Variants in SLC9A3 observed in about 807,000 individuals in gnomAD.
SLC9A3 encodes solute carrier family 9 member A3.
Under a neutral mutation model 86.8 loss-of-function variants are expected in SLC9A3, and 37 were observed. The ratio of observed to expected loss-of-function variants is 0.43; its 90% confidence interval spans 0.33 to 0.56. The LOEUF (loss-of-function observed/expected upper bound fraction) is 0.56, where lower values mean the gene tolerates loss of function less well. SLC9A3 is among the 20% of genes least tolerant of loss of function. SLC9A3 has a pLI of 0.06. For synonymous variants in SLC9A3, 581 were observed against 528.3 expected (o/e 1.10, Z -1.37); for missense variants, 1,011 against 1,171.9 (o/e 0.86, Z 2.00).
chr5:508,817 A>G (rs1263883932), intron 1 of SLC9A3, among the ~76,000 whole-genome samples: 2 of 152,208 alleles, frequency 1.3e-5, no homozygotes, highest in East Asian at 3.8e-4. Flanking sequence ...GAGGTTAAGA[A>G]TTTCTCTCAG....
chr5:495,068 G>A (rs1030003267), intron 1 of SLC9A3, among the ~76,000 whole-genome samples: 4 of 151,678 alleles, frequency 2.6e-5, no homozygotes, highest in East Asian at 1.9e-4. Flanking sequence ...AAAATCCAGC[G>A]ACCACAGAGA....
intron 3 of SLC9A3, among the ~76,000 whole-genome samples, chr5:485,707 G>C (rs1739430419): frequency 6.6e-6 from 1 of 152,276 alleles, no homozygotes; most frequent in Non-Finnish European, 1.5e-5. Context: ...TGGTGACGCA[G>C]GTGAGACCGG....
rs751029683 is a variant in SLC9A3, at chr5:492,019, G to C, written c.264C>G (p.Leu88=). Residue 88 remains leucine, a synonymous_variant, in exon 2 of 17, where the codon CTC becomes CTG. Transcript: ENST00000264938. ...CGCCCAGCACCAGGCCCAGCACGAT[G>C]AGCAGGGCGCTCTCGGGAACCACGC... ...VTSVVPESAL[L]IVLGLVLGGI... is the part of the protein sequence containing the mutation. 1 of 1,583,880 alleles carries C rather than the reference G, an allele frequency of 6.3e-7. No individual in the cohort carries two copies. Among genetic ancestry groups the C allele is most frequent in the Non-Finnish European group, 8.6e-7 (1 of 1,163,636 alleles).
intron 7 of SLC9A3, 47 bp downstream of exon 7, chr5:482,501 C>T (rs747460369): frequency 3.1e-5 from 47 of 1,511,922 alleles, no homozygotes; most frequent in Admixed American, 3.0e-4. Context: ...CCAGGCTCCC[C>T]TCGCGGGCGG....
Position 471,929 on chromosome 5 carries a change from A to G in SLC9A3, c.*1450T>C. On this transcript the variant is annotated 3_prime_UTR_variant, in exon 17 of 17. Coordinates refer to ENST00000264938, the MANE Select transcript of SLC9A3 (RefSeq NM_004174.4). ...ATATTCAGTCAACATAAAACTCTTT[A>G]AGAACTCCTCCTGACTGGTGACTGT... The G allele has an allele frequency of 4.4e-6, 2 of 456,656 alleles. No individual in the cohort carries two copies. Among genetic ancestry groups the G allele is most frequent in the South Asian group, 3.1e-5 (2 of 64,572 alleles). 28.3% of individuals were successfully genotyped at this position (456,656 alleles called of 1,614,324 possible). A position where few individuals can be genotyped will look rare whatever the true frequency, so the allele number is the denominator to read the frequency against.
Position 475,602 on chromosome 5 carries a change from A to T in SLC9A3, c.2210T>A (p.Leu737Gln). 1 of 1,552,706 alleles carries T rather than the reference A, an allele frequency of 6.4e-7. No homozygotes were observed. The highest frequency in any genetic ancestry group is 8.7e-7 in the Non-Finnish European group (1 of 1,147,304). Residue 737 changes from leucine (L) to glutamine (Q), a missense_variant, in exon 15 of 17, where the codon CTG (leucine) becomes CAG (glutamine). Leu to Gln is a moderately radical substitution (Grantham distance 113). Coordinates refer to ENST00000264938, the MANE Select transcript of SLC9A3 (RefSeq NM_004174.4). ...DEEMSGGIEF[L>Q]ASVTKDTASD... Reference sequence around the variant, plus strand: ...CGCTGTGTCCTTGGTGACACTAGCCAGGAACTCGATCCCCCCACTCATCTC... The same window carrying T: ...CGCTGTGTCCTTGGTGACACTAGCCTGGAACTCGATCCCCCCACTCATCTC...
At chr5:481,482 A>T in intron 9 of SLC9A3, 83 bp downstream of exon 9, 1 of 1,171,182 alleles carries the variant, frequency 8.5e-7, no homozygotes. Context: ...GTTGTTATGC[A>T]TGTGGCTTCT....
Position 476,343 on chromosome 5 carries a change from G to A in SLC9A3, c.1926C>T (p.Pro642=). ...CCCGGTCCTGTTTCTCGTCCTCCGT[G>A]GGCGTGAGCTCGTGTCGGCTGTACA... is the stretch of plus-strand genomic sequence containing the variant. ...KHLYSRHELT[P]TEDEKQDREI... The change falls in exon 13 of 17, where the codon CCC becomes CCT. Residue 642 remains proline, a synonymous_variant. Transcript: ENST00000264938. The A allele has an allele frequency of 6.2e-6, 10 of 1,613,902 alleles. No individual in the cohort carries two copies. The highest frequency in any genetic ancestry group is 7.6e-6 in the Non-Finnish European group (9 of 1,180,010).
intron 16 of SLC9A3, among the ~76,000 whole-genome samples, chr5:473,976 G>C (rs72700688): frequency 0.14 from 21,394 of 152,262 alleles, 1,957 homozygotes; most frequent in Non-Finnish European, 0.2. Flanking sequence ...AATCTCAGGC[G>C]GCCCTAGTGC....
At chr5:504,924 C>T (rs1740478319) in intron 1 of SLC9A3, among the ~76,000 whole-genome samples, 1 of 116,770 alleles carries the variant, frequency 8.6e-6, no homozygotes, top group South Asian at 2.3e-4. Flanking sequence ...GGAAGAGCAG[C>T]AGACGCCTGC....
intron 1 of SLC9A3, among the ~76,000 whole-genome samples, chr5:499,026 C>A (rs1560965776): frequency 6.6e-6 from 1 of 152,206 alleles, no homozygotes; most frequent in Non-Finnish European, 1.5e-5. Context: ...GTTTGGGACA[C>A]TGGACTGGGG....
chr5:491,759 G>A lies in SLC9A3; in HGVS notation c.514+10C>T, dbSNP rs1560960841. The A allele has an allele frequency of 5.9e-6, 9 of 1,515,296 alleles. No homozygotes were observed. The highest frequency in any genetic ancestry group is 2.0e-5 in the Admixed American group (1 of 50,188). The allele number at this position is 1,515,296 out of a possible 1,614,324, so 93.9% of individuals were successfully genotyped here. A position where few individuals can be genotyped will look rare whatever the true frequency, so the allele number is the denominator to read the frequency against. ...TGATCCCGGCCGGGGCAACAGTGGC[G>A]CAGACTCACCCATGAGCCCACTGAG... On this transcript the variant is annotated intron_variant, in intron 2 of 16. Transcript: ENST00000264938. This position sits in a 1 kb window ranked among gnomAD's most constrained non-coding sequence, Gnocchi z 9.2.
intron 2 of SLC9A3, among the ~76,000 whole-genome samples, chr5:489,977 GC>G (rs1226466217): frequency 7.9e-5 from 12 of 152,254 alleles, no homozygotes; most frequent in Non-Finnish European, 1.2e-4. Context: ...TGCCCGGACA[GC>G]CCCCGGGCCA....
At position 524,300 on chromosome 5, in the gene SLC9A3, C is replaced by T. The variant is rs978955926; in HGVS notation, c.23G>A (p.Gly8Asp). 1.1e-4 allele frequency: 139 copies of T among 1,285,290 alleles called. No individual in the cohort carries two copies. The highest frequency in any genetic ancestry group is 1.4e-4 in the African/African-American group (9 of 63,270). The allele number at this position is 1,285,290 out of a possible 1,614,324, so 79.6% of individuals were successfully genotyped here. ...CGCCAGCAGCAGCCCCCGGTCGGGGCCCCGGGCCCCGAGTCCCCACATTGC... is the reference window on the plus strand; with the variant it reads ...CGCCAGCAGCAGCCCCCGGTCGGGGTCCCGGGCCCCGAGTCCCCACATTGC... MWGLGAR[G>D]PDRGLLLALA... is the part of the protein sequence containing the mutation. The change falls in exon 1 of 17, where the codon GGC (glycine) becomes GAC (aspartate). Residue 8 changes from glycine to aspartate, a missense_variant. Coordinates refer to ENST00000264938, the MANE Select transcript of SLC9A3 (RefSeq NM_004174.4).
At chr5:501,090 G>T (rs1003463081) in intron 1 of SLC9A3, among the ~76,000 whole-genome samples, 1 of 152,198 alleles carries the variant, frequency 6.6e-6, no homozygotes, top group African/African-American at 2.4e-5. Flanking sequence ...TGATGGTTAC[G>T]ACAGGGGACA....
Position 488,298 on chromosome 5 carries a change from G to T in SLC9A3, c.675+18C>A. On this transcript the variant is annotated intron_variant, in intron 3 of 16. Transcript: ENST00000264938. ...TCCCACGGCTCGCCCGCTCTGGAGCGGTGGCTCCGTTGCTCACCACGGTGA... is the reference window on the plus strand; with the variant it reads ...TCCCACGGCTCGCCCGCTCTGGAGCTGTGGCTCCGTTGCTCACCACGGTGA... 6.2e-7 allele frequency: 1 copy of T among 1,611,596 alleles called. No individual in the cohort carries two copies. The highest frequency in any genetic ancestry group is 8.5e-7 in the Non-Finnish European group (1 of 1,179,256).
At chr5:476,512 G>A (rs909079218) in intron 12 of SLC9A3, 31 bp downstream of exon 12, 1 of 1,607,100 alleles carries the variant, frequency 6.2e-7, no homozygotes, top group African/African-American at 1.3e-5. Flanking sequence ...GTCCCTGCGG[G>A]GTCCTCCAGC....
chr5:516,826 C>T (rs545914880), intron 1 of SLC9A3, among the ~76,000 whole-genome samples: 5 of 152,310 alleles, frequency 3.3e-5, no homozygotes, highest in African/African-American at 7.2e-5. Flanking sequence ...TGGCAGGCGG[C>T]GCCTCTAAAG....
At position 473,284 on chromosome 5, in the gene SLC9A3, CG is replaced by C; in HGVS notation, c.*94del. On this transcript the variant is annotated 3_prime_UTR_variant, in exon 17 of 17. Coordinates refer to ENST00000264938, the MANE Select transcript of SLC9A3 (RefSeq NM_004174.4). ...GGGGCTCGCGGTCGCTGTAGCCGCGCGGGGATCTGGGGTTTCTCTGGGACAG... is the reference window on the plus strand; with the variant it reads ...GGGGCTCGCGGTCGCTGTAGCCGCGCGGGATCTGGGGTTTCTCTGGGACAG... 8.0e-7 allele frequency: 1 copy of C among 1,254,622 alleles called. No homozygotes were observed. The highest frequency in any genetic ancestry group is 1.0e-6 in the Non-Finnish European group (1 of 984,342). The allele number at this position is 1,254,622 out of a possible 1,614,324, so 77.7% of individuals were successfully genotyped here. A position where few individuals can be genotyped will look rare whatever the true frequency, so the allele number is the denominator to read the frequency against.
Sources: allele counts gnomAD v4.1 joint callset (sites outside exome capture counted in the v4.1 genomes callset), GRCh38; gene constraint gnomAD v4.1.1; non-coding constraint Gnocchi (gnomAD v3.1); transcripts MANE v1.5; gene names NCBI Gene and HGNC (gene_info 2026-07-23, HGNC 2026-07-21).